HFM1: variants seen among roughly 807,000 people sequenced by gnomAD.
HFM1 encodes helicase for meiosis 1, also known as probable ATP-dependent DNA helicase HFM1.
In HFM1, 169 loss-of-function variants were observed where a neutral mutation model predicts 192.1. The observed-to-expected ratio is 0.88, with a 90% CI of 0.78 to 1.00. HFM1 has a LOEUF of 1.00. HFM1 is among the 50% of genes least tolerant of loss of function. HFM1 has a pLI of 0.00. For missense variants in HFM1, 1,661 were observed against 1,668.0 expected (o/e 1.00, Z 0.07); for synonymous variants, 525 against 537.8 (o/e 0.98, Z 0.33).
intron 30 of HFM1, among the ~76,000 whole-genome samples, chr1:91,282,586 G>A (rs1053733379): frequency 2.0e-5 from 3 of 151,992 alleles, no homozygotes; most frequent in African/African-American, 7.3e-5. Context: ...TCTTACAGAG[G>A]TTAAGTAAGA....
intron 13 of HFM1, among the ~76,000 whole-genome samples, chr1:91,359,574 A>G (rs1488298376): frequency 1.3e-5 from 2 of 151,504 alleles, no homozygotes; most frequent in Non-Finnish European, 2.9e-5. Flanking sequence ...AAAAAGGAAG[A>G]AGAAGAATGA....
At chr1:91,287,955 T>G (rs950482961) in intron 30 of HFM1, among the ~76,000 whole-genome samples, 43 of 151,090 alleles carry the variant, frequency 2.8e-4, no homozygotes, top group African/African-American at 4.9e-4. Flanking sequence ...AGAAGGGAAG[T>G]TTAGAGAAAA....
chr1:91,364,630 A>ATTTTTTT (rs369717640), intron 13 of HFM1, among the ~76,000 whole-genome samples: 31 of 74,146 alleles, frequency 4.2e-4, no homozygotes, highest in African/African-American at 8.6e-4. Context: ...ATATATATAT[A>ATTTTTTT]TATTTTTTTT....
chr1:91,368,176 G>A (rs1659641257), intron 13 of HFM1, among the ~76,000 whole-genome samples: 1 of 152,294 alleles, frequency 6.6e-6, no homozygotes, highest in South Asian at 2.1e-4. Context: ...ACTCTCTGCA[G>A]GATATTATCC....
chr1:91,292,027 A>C (rs962840615), intron 30 of HFM1, among the ~76,000 whole-genome samples: 86 of 152,288 alleles, frequency 5.6e-4, no homozygotes, highest in African/African-American at 1.9e-3. Context: ...ACTCTCAATA[A>C]ATTAGGTATT....
At chr1:91,322,047 C>T (rs1273513475) in intron 23 of HFM1, among the ~76,000 whole-genome samples, 1 of 152,104 alleles carries the variant, frequency 6.6e-6, no homozygotes, top group Admixed American at 6.5e-5. Context: ...GAGGATTGGG[C>T]TATATGATCT....
At chr1:91,346,458 T>C (rs774058261) in intron 19 of HFM1, among the ~76,000 whole-genome samples, 6 of 152,338 alleles carry the variant, frequency 3.9e-5, no homozygotes, top group Non-Finnish European at 7.3e-5. Context: ...CTATTGGTTA[T>C]GACCATGTTT....
intron 13 of HFM1, among the ~76,000 whole-genome samples, chr1:91,371,095 T>C (rs920538380): frequency 1.6e-4 from 24 of 151,562 alleles, no homozygotes; most frequent in Admixed American, 3.9e-4. Flanking sequence ...TAAAAGAGGA[T>C]ACAAACAAAT....
intron 21 of HFM1, among the ~76,000 whole-genome samples, chr1:91,324,256 G>C (rs1284286215): frequency 1.3e-5 from 2 of 152,062 alleles, no homozygotes; most frequent in African/African-American, 4.8e-5. Flanking sequence ...TTAGGGAAGG[G>C]TTGCAAGTAC....
intron 13 of HFM1, among the ~76,000 whole-genome samples, chr1:91,366,346 A>C (rs1446079662): frequency 6.6e-6 from 1 of 152,226 alleles, no homozygotes; most frequent in Non-Finnish European, 1.5e-5. Context: ...TAAGTCTCTC[A>C]AAACTGCCTT....
At position 91,262,280 on chromosome 1, in the gene HFM1, A is replaced by T; in HGVS notation, c.4199T>A (p.Phe1400Tyr). The change falls in exon 38 of 39, where the codon TTT becomes TAT. Residue 1400 changes from phenylalanine to tyrosine, a missense_variant. Coordinates refer to ENST00000370425, the MANE Select transcript of HFM1 (RefSeq NM_001017975.6). ...CTTTTTACATTCACTGTTTCTAATA[A>T]AAAAATCCACTTTTTTATAATTTGA... ...NSSNYKKVDF[F>Y]IRNSECKKEV... is the part of the protein sequence containing the mutation. 6.8e-7 allele frequency: 1 copy of T among 1,460,506 alleles called. No homozygotes were observed. Among genetic ancestry groups the T allele is most frequent in the Non-Finnish European group, 9.4e-7 (1 of 1,064,326 alleles). 90.5% of individuals were successfully genotyped at this position (1,460,506 alleles called of 1,614,324 possible).
intron 29 of HFM1, 112 bp downstream of exon 29, chr1:91,313,845 T>C (rs1570915904): frequency 1.8e-6 from 1 of 544,896 alleles, no homozygotes; most frequent in East Asian, 3.1e-5. Flanking sequence ...CTAAATATAT[T>C]ATTTTTGCAT....
intron 30 of HFM1, among the ~76,000 whole-genome samples, chr1:91,298,933 T>C (rs1258679151): frequency 6.6e-6 from 1 of 152,094 alleles, no homozygotes; most frequent in Non-Finnish European, 1.5e-5. Context: ...AATTCACACA[T>C]AACAATATTA....
At chr1:91,383,849 A>G (rs1043644814) in intron 6 of HFM1, among the ~76,000 whole-genome samples, 2 of 152,182 alleles carry the variant, frequency 1.3e-5, no homozygotes, top group Non-Finnish European at 1.5e-5. Context: ...GAGAGGCGAT[A>G]GATACATTAA....
chr1:91,325,430 C>T (rs1420455678), intron 20 of HFM1, among the ~76,000 whole-genome samples: 1 of 152,176 alleles, frequency 6.6e-6, no homozygotes, highest in Non-Finnish European at 1.5e-5. Flanking sequence ...ATCAGCATAG[C>T]CCCAATTCCA....
intron 30 of HFM1, among the ~76,000 whole-genome samples, chr1:91,302,824 C>G (rs1161172854): frequency 1.3e-5 from 2 of 151,596 alleles, no homozygotes; most frequent in Non-Finnish European, 2.9e-5. Context: ...AGGAGATATA[C>G]CTAATGTTAA....
intron 13 of HFM1, among the ~76,000 whole-genome samples, chr1:91,361,143 A>C (rs1474454337): frequency 6.6e-6 from 1 of 152,136 alleles, no homozygotes; most frequent in Non-Finnish European, 1.5e-5. Context: ...GAACTAGAGA[A>C]CCAAGAGCAA....
chr1:91,268,085 G>T (rs1412926972), intron 34 of HFM1, among the ~76,000 whole-genome samples: 1 of 152,046 alleles, frequency 6.6e-6, no homozygotes, highest in Non-Finnish European at 1.5e-5. Flanking sequence ...ACTAAACAGA[G>T]TTCTTGAGTA....
At chr1:91,389,512 T>C (rs1662666636) in intron 4 of HFM1, among the ~76,000 whole-genome samples, 1 of 152,114 alleles carries the variant, frequency 6.6e-6, no homozygotes, top group African/African-American at 2.4e-5. Context: ...TTAATGCCCT[T>C]ATAAAAAGAG....
Sources: allele counts gnomAD v4.1 joint callset (sites outside exome capture counted in the v4.1 genomes callset), GRCh38; gene constraint gnomAD v4.1.1; transcripts MANE v1.5; gene names NCBI Gene and HGNC (gene_info 2026-07-23, HGNC 2026-07-21).